Variants in EXOC6 observed in about 807,000 individuals in gnomAD.
EXOC6 encodes the protein exocyst complex component 6.
Under a neutral mutation model 112.5 loss-of-function variants are expected in EXOC6, and 60 were observed. That is an observed-to-expected ratio of 0.53 (90% CI 0.43 to 0.66). The LOEUF (loss-of-function observed/expected upper bound fraction) is 0.66. Among genes scored for constraint, EXOC6 ranks in the 30% least tolerant of loss-of-function variants. The pLI, the probability that EXOC6 is intolerant of heterozygous loss-of-function variation, is 0.00. For missense variants in EXOC6, 855 were observed against 957.1 expected (o/e 0.89, Z 1.41); for synonymous variants, 295 against 308.0 (o/e 0.96, Z 0.44).
chr10:92,952,393 T>C lies in EXOC6; in HGVS notation c.1526+11T>C, dbSNP rs1298193113. ...GTCACTACACCGGAGGTGAGTTTAC[T>C]AATCACAAATGCATTTTTGTCATAA... On this transcript the variant is annotated intron_variant, in intron 15 of 21. Transcript: ENST00000260762. 4 of 1,440,482 alleles carry C rather than the reference T, an allele frequency of 2.8e-6. No individual in the cohort carries two copies. The highest frequency in any genetic ancestry group is 1.7e-4 in the Middle Eastern group (1 of 5,764). The allele number at this position is 1,440,482 out of a possible 1,614,324, so 89.2% of individuals were successfully genotyped here.
rs778790544 is a variant in EXOC6 at position 92,891,873 on chromosome 10, C to T, written c.102-1476C>T. Among the ~76,000 whole-genome samples, 4 of 152,032 alleles carry T rather than the reference C, an allele frequency of 2.6e-5. No individual in the cohort carries two copies. In the East Asian group the frequency reaches 7.7e-4, roughly 29 times the overall value. ...ATTAAAAACCTAAGACAGAGGCTACCCTCAAGAAGTTTATGGTCTATTTGG... is the reference window on the plus strand; with the variant it reads ...ATTAAAAACCTAAGACAGAGGCTACTCTCAAGAAGTTTATGGTCTATTTGG... On this transcript the variant is annotated intron_variant, in intron 1 of 21. Coordinates refer to ENST00000260762, the MANE Select transcript of EXOC6 (RefSeq NM_019053.6).
intron 14 of EXOC6, 125 bp from the exon 15 acceptor site, chr10:92,952,148 T>A (rs1238151812): frequency 1.6e-6 from 1 of 612,330 alleles, no homozygotes; most frequent in Admixed American, 3.1e-5. Context: ...TGTAGAAATA[T>A]AACAGAGTTT....
At chr10:93,002,328 A>G (rs1214533691) in intron 19 of EXOC6, among the ~76,000 whole-genome samples, 1 of 152,210 alleles carries the variant, frequency 6.6e-6, no homozygotes, top group African/African-American at 2.4e-5. Context: ...TACATATTTA[A>G]CAAAGTCATT....
At chr10:92,898,678 A>G (rs1383920806) in intron 4 of EXOC6, among the ~76,000 whole-genome samples, 7 of 152,140 alleles carry the variant, frequency 4.6e-5, no homozygotes, top group Admixed American at 4.6e-4. Context: ...TACAATATAG[A>G]GGCTATGATA....
intron 20 of EXOC6, among the ~76,000 whole-genome samples, chr10:93,036,777 A>G (rs835274): frequency 0.13 from 19,705 of 152,272 alleles, 1,428 homozygotes; most frequent in African/African-American, 0.18. Context: ...GGGCAAATAC[A>G]GAATATTTCT....
At chr10:92,908,924 T>A (rs1323374526) in intron 5 of EXOC6, among the ~76,000 whole-genome samples, 1 of 152,180 alleles carries the variant, frequency 6.6e-6, no homozygotes, top group East Asian at 1.9e-4. Context: ...TGTGTGTGTG[T>A]GATACTTAAC....
intron 20 of EXOC6, among the ~76,000 whole-genome samples, chr10:93,017,116 T>C (rs1844563171): frequency 6.6e-6 from 1 of 151,232 alleles, no homozygotes; most frequent in Non-Finnish European, 1.5e-5. Flanking sequence ...GCACTCAGCC[T>C]AACCATGGCT....
chr10:93,045,779 A>T (rs910884237), intron 20 of EXOC6, among the ~76,000 whole-genome samples: 4 of 152,236 alleles, frequency 2.6e-5, no homozygotes, highest in African/African-American at 7.2e-5. Context: ...ATGCAAGTGT[A>T]GCAGATGATG....
intron 1 of EXOC6, among the ~76,000 whole-genome samples, chr10:92,862,826 T>G (rs2133687593): frequency 6.6e-6 from 1 of 152,370 alleles, no homozygotes; most frequent in Admixed American, 6.5e-5. Context: ...TATGCTGCTA[T>G]GAACATTCAT....
intron 6 of EXOC6, among the ~76,000 whole-genome samples, chr10:92,910,301 AATGAATT>A (rs1850671324): frequency 6.6e-6 from 1 of 152,232 alleles, no homozygotes; most frequent in Admixed American, 6.5e-5. Context: ...AATAAAAAGG[AATGAATT>A]ACTGCTAATG....
intron 5 of EXOC6, among the ~76,000 whole-genome samples, chr10:92,904,397 T>C (rs1332805998): frequency 6.6e-6 from 1 of 152,120 alleles, no homozygotes; most frequent in Non-Finnish European, 1.5e-5. Context: ...GAAGTGGCTG[T>C]ACTATTTTGC....
chr10:92,834,733 C>T (rs748302552), exon 1 of EXOC6: 13 of 1,602,104 alleles, frequency 8.1e-6, no homozygotes, highest in South Asian at 7.9e-5. Context: ...AGGGGCCTGT[C>T]GAGCGATGTT....
At chr10:92,931,082 A>G (rs1852000294) in intron 9 of EXOC6, among the ~76,000 whole-genome samples, 1 of 139,302 alleles carries the variant, frequency 7.2e-6, no homozygotes, top group South Asian at 2.4e-4. Context: ...ATTGCACTCC[A>G]GCCTGGCGAC....
rs1846676284 is a variant in EXOC6, at chr10:93,059,272, T to C, written c.*917T>C. 1 of 152,254 alleles carries C rather than the reference T, an allele frequency of 6.6e-6. No homozygotes were observed. The highest frequency in any genetic ancestry group is 2.1e-4 in the South Asian group (1 of 4,834). The allele number at this position is 152,254 out of a possible 1,614,324, so 9.4% of individuals were successfully genotyped here. A position where few individuals can be genotyped will look rare whatever the true frequency, so the allele number is the denominator to read the frequency against. ...AACTCTGGAAAACCTAAAACAAATGTACATTTTCCTTTGTGTATGTTTCCG... is the reference window on the plus strand; with the variant it reads ...AACTCTGGAAAACCTAAAACAAATGCACATTTTCCTTTGTGTATGTTTCCG... On this transcript the variant is annotated 3_prime_UTR_variant, in exon 22 of 22. Coordinates refer to ENST00000260762, the MANE Select transcript of EXOC6 (RefSeq NM_019053.6).
At chr10:92,937,198 A>G (rs1852390487) in intron 12 of EXOC6, among the ~76,000 whole-genome samples, 1 of 152,158 alleles carries the variant, frequency 6.6e-6, no homozygotes, top group South Asian at 2.1e-4. Flanking sequence ...GTAACTTTTC[A>G]TGAAGTACAG....
At chr10:92,889,476 C>A (rs1488806334) in intron 1 of EXOC6, among the ~76,000 whole-genome samples, 2 of 152,146 alleles carry the variant, frequency 1.3e-5, no homozygotes, top group Non-Finnish European at 2.9e-5. Context: ...ATTGACACAT[C>A]ATTATCATTC....
intron 1 of EXOC6, among the ~76,000 whole-genome samples, chr10:92,889,278 TC>T (rs1176262695): frequency 6.6e-6 from 1 of 152,222 alleles, no homozygotes; most frequent in Non-Finnish European, 1.5e-5. Context: ...AATTTAATCC[TC>T]CTAACACTCT....
intron 1 of EXOC6, among the ~76,000 whole-genome samples, chr10:92,854,534 T>C (rs1847507014): frequency 6.6e-6 from 1 of 152,222 alleles, no homozygotes. Context: ...ATGCTGTTTA[T>C]CAGGTTGAGG....
intron 15 of EXOC6, among the ~76,000 whole-genome samples, chr10:92,953,023 A>G (rs1189919717): frequency 2.0e-5 from 3 of 152,144 alleles, no homozygotes; most frequent in East Asian, 1.9e-4. Context: ...TATATCCCCA[A>G]TAATGGGACT....
Sources: gnomAD v4.1 joint callset for allele counts (sites outside exome capture counted in the v4.1 genomes callset) on GRCh38, gnomAD v4.1.1 for gene constraint, MANE v1.5 for transcripts, NCBI Gene and HGNC (gene_info 2026-07-23, HGNC 2026-07-21) for gene names.